The following MYO5C variants were observed in gnomAD, a reference collection of about 807,000 sequenced individuals.
MYO5C encodes the protein unconventional myosin-Vc.
In MYO5C, 194 loss-of-function variants were observed where a neutral mutation model predicts 235.7. That is an observed-to-expected ratio of 0.82 (90% CI 0.73 to 0.93). The LOEUF is 0.93. MYO5C is among the 40% of genes least tolerant of loss of function. The probability of loss-of-function intolerance (pLI) is 0.00; values close to 1 mark genes in which losing one functional copy is unlikely to be tolerated. For synonymous variants in MYO5C, 707 were observed against 754.8 expected, an observed-to-expected ratio of 0.94 and a Z score of 1.04; for missense variants, 2,038 against 2,127.2, an observed-to-expected ratio of 0.96 and a Z score of 0.82.
At chr15:52,272,466 A>C in intron 6 of MYO5C, 114 bp downstream of exon 6, 1 of 1,032,256 alleles carries the variant, frequency 9.7e-7, no homozygotes, top group East Asian at 2.5e-5. Context: ...ATGAAAGACA[A>C]GAAAACCCTA....
rs970560025 is a variant in MYO5C at position 52,242,280 on chromosome 15, A to G, written c.2391-67T>C. On this transcript the variant is annotated intron_variant, in intron 19 of 40. Coordinates refer to ENST00000261839, the MANE Select transcript of MYO5C (RefSeq NM_018728.4). Reference sequence around the variant, plus strand: ...GCATCAACTTCCATAACAGAGCTGCAAGCTTGGCTAGCATGTGTTTATAAG... The same window carrying G: ...GCATCAACTTCCATAACAGAGCTGCGAGCTTGGCTAGCATGTGTTTATAAG... The G allele has an allele frequency of 7.3e-6, 11 of 1,498,532 alleles. No homozygotes were observed. In the African/African-American group the frequency reaches 1.5e-4, roughly 21 times the overall value. 92.8% of individuals were successfully genotyped at this position (1,498,532 alleles called of 1,614,324 possible). A position where few individuals can be genotyped will look rare whatever the true frequency, so the allele number is the denominator to read the frequency against.
intron 21 of MYO5C, among the ~76,000 whole-genome samples, chr15:52,238,352 G>A (rs963212704): frequency 2.6e-5 from 4 of 152,304 alleles, no homozygotes; most frequent in African/African-American, 7.2e-5. Flanking sequence ...GGCCGGCTGC[G>A]GCTATTTTTA....
At chr15:52,239,096 C>T (rs1377303316) in intron 21 of MYO5C, among the ~76,000 whole-genome samples, 2 of 152,154 alleles carry the variant, frequency 1.3e-5, no homozygotes, top group Non-Finnish European at 2.9e-5. Context: ...GGATTACAGG[C>T]ATGCATCACC....
intron 21 of MYO5C, among the ~76,000 whole-genome samples, chr15:52,237,919 G>GGC (rs549999745): frequency 4.0e-5 from 6 of 150,408 alleles, no homozygotes; most frequent in African/African-American, 1.5e-4. Context: ...TATGAACTGT[G>GGC]CCCCCCGCCA....
chr15:52,260,262 A>C (rs1278756449), intron 10 of MYO5C, among the ~76,000 whole-genome samples: 1 of 152,222 alleles, frequency 6.6e-6, no homozygotes, highest in Non-Finnish European at 1.5e-5. Context: ...GGGCTGGGGA[A>C]AATCCAAGAC....
At chr15:52,235,837 C>CA in intron 22 of MYO5C, 74 bp from the exon 23 acceptor site, 1 of 917,072 alleles carries the variant, frequency 1.1e-6, no homozygotes, top group East Asian at 2.5e-5. Flanking sequence ...CCTTTCTTCA[C>CA]AAAAAGATGT....
intron 21 of MYO5C, among the ~76,000 whole-genome samples, chr15:52,238,609 G>C (rs1482899557): frequency 6.6e-6 from 1 of 152,148 alleles, no homozygotes; most frequent in Non-Finnish European, 1.5e-5. Context: ...CACCAACTGA[G>C]AGCATATGGA....
At position 52,208,644 on chromosome 15, in the gene MYO5C, C is replaced by G; in HGVS notation, c.4297-1G>C. ...GCATTTCAAAGTCTTCTAAATGTTC[C>G]TTAGGAAAATAAGAAAAGACAAAAT... On this transcript the variant is annotated splice_acceptor_variant, in intron 35 of 40. Transcript: ENST00000261839. LOFTEE classifies it high-confidence loss of function. The G allele has an allele frequency of 1.2e-6, 2 of 1,613,610 alleles. No individual in the cohort carries two copies. The highest frequency in any genetic ancestry group is 1.7e-6 in the Non-Finnish European group (2 of 1,179,630).
intron 34 of MYO5C, among the ~76,000 whole-genome samples, chr15:52,212,482 G>T (rs530289541): frequency 1.3e-5 from 2 of 152,348 alleles, no homozygotes; most frequent in African/African-American, 2.4e-5. Flanking sequence ...TGAGGGGAAA[G>T]AAAAGGGTAG....
chr15:52,256,929 A>G (rs1295312779), intron 10 of MYO5C: 4 of 518,674 alleles, frequency 7.7e-6, no homozygotes, highest in African/African-American at 7.6e-5. Flanking sequence ...GAAATCTGGT[A>G]GGTATAAAAC....
intron 30 of MYO5C, among the ~76,000 whole-genome samples, chr15:52,220,933 C>A (rs2035668263): frequency 6.6e-6 from 1 of 152,092 alleles, no homozygotes; most frequent in South Asian, 2.1e-4. Context: ...TCACCGCTTC[C>A]CAAAGTGCTG....
At chr15:52,215,839 C>T (rs565669040) in intron 32 of MYO5C, among the ~76,000 whole-genome samples, 1 of 152,316 alleles carries the variant, frequency 6.6e-6, no homozygotes, top group South Asian at 2.1e-4. Flanking sequence ...TTTCCCATGT[C>T]ATTGATAATA....
chr15:52,266,381 G>A (rs1250528231), intron 8 of MYO5C, among the ~76,000 whole-genome samples: 1 of 152,188 alleles, frequency 6.6e-6, no homozygotes, highest in Admixed American at 6.5e-5. Context: ...AGGGGTCAGT[G>A]GATGAATCAC....
chr15:52,193,727 A>G lies in MYO5C; in HGVS notation c.*175T>C, dbSNP rs755599687. ...CAGCTGGTGTGTGTGAATTCTTACA[A>G]AATTACAGGAGCAGCATTGTCACTG... On this transcript the variant is annotated 3_prime_UTR_variant, in exon 41 of 41. Transcript: ENST00000261839. 7.6e-6 allele frequency: 5 copies of G among 654,252 alleles called. No homozygotes were observed. Among genetic ancestry groups the G allele is most frequent in the Non-Finnish European group, 1.3e-5 (5 of 390,494 alleles). 40.5% of individuals were successfully genotyped at this position (654,252 alleles called of 1,614,324 possible). A position where few individuals can be genotyped will look rare whatever the true frequency, so the allele number is the denominator to read the frequency against.
intron 10 of MYO5C, among the ~76,000 whole-genome samples, chr15:52,257,309 AT>A (rs1281028057): frequency 6.6e-6 from 1 of 152,220 alleles, no homozygotes; most frequent in African/African-American, 2.4e-5. Flanking sequence ...CGAGACAGAC[AT>A]GGCTGGCTTC....
intron 36 of MYO5C, 123 bp downstream of exon 36, chr15:52,208,431 C>T: frequency 1.2e-6 from 1 of 833,738 alleles, no homozygotes; most frequent in South Asian, 1.9e-5. Context: ...GCCCAAGAGT[C>T]CAACAGATAA....
intron 38 of MYO5C, among the ~76,000 whole-genome samples, chr15:52,204,297 C>T (rs546604162): frequency 6.6e-6 from 1 of 151,952 alleles, no homozygotes; most frequent in South Asian, 2.1e-4. Context: ...TCCTCACTCA[C>T]TCCCCGCAAT....
chr15:52,195,010 C>A (rs1415903586), intron 40 of MYO5C, among the ~76,000 whole-genome samples: 2 of 151,912 alleles, frequency 1.3e-5, no homozygotes, highest in African/African-American at 2.4e-5. Context: ...CCTTAGGGGA[C>A]AAACTTTAGG....
chr15:52,216,838 T>C (rs2035565223), intron 32 of MYO5C, among the ~76,000 whole-genome samples: 1 of 152,054 alleles, frequency 6.6e-6, no homozygotes, highest in Admixed American at 6.5e-5. Context: ...CCAATGCAGG[T>C]GTCCTTATAA....
Sources: gnomAD v4.1 joint callset for allele counts (sites outside exome capture counted in the v4.1 genomes callset) on GRCh38, gnomAD v4.1.1 for gene constraint, MANE v1.5 for transcripts, NCBI Gene and HGNC (gene_info 2026-07-23, HGNC 2026-07-21) for gene names.